The following ANKFN1 variants were observed in gnomAD, a reference collection of about 807,000 sequenced individuals.
ANKFN1 encodes ankyrin repeat and fibronectin type-III domain-containing protein 1.
ANKFN1 carries 74 observed loss-of-function variants against 108.7 expected under a neutral mutation model. The ratio of observed to expected loss-of-function variants is 0.68; its 90% CI spans 0.56 to 0.83. ANKFN1 has a LOEUF of 0.83. Ranked by LOEUF, ANKFN1 falls within the 40% of genes least tolerant of loss-of-function variation. ANKFN1 has a pLI of 0.00. For synonymous variants in ANKFN1, 547 were observed against 516.2 expected (o/e 1.06, Z -0.81); for missense variants, 1,505 against 1,382.3 (o/e 1.09, Z -1.41).
At chr17:56,469,794 T>TA (rs1555661268) in intron 15 of ANKFN1, among the ~76,000 whole-genome samples, 4 of 151,684 alleles carry the variant, frequency 2.6e-5, no homozygotes, top group Admixed American at 6.6e-5. Context: ...TTTTTATTTT[T>TA]ATTTTACTTT....
At position 56,492,221 on chromosome 17, in the gene ANKFN1, T is replaced by C. The variant is rs1302330128; in HGVS notation, c.2295T>C (p.Ser765=). The C allele has an allele frequency of 1.4e-6, 1 of 702,348 alleles. No homozygotes were observed. Among genetic ancestry groups the C allele is most frequent in the Admixed American group, 2.0e-5 (1 of 50,016 alleles). The allele number at this position is 702,348 out of a possible 1,614,324, so 43.5% of individuals were successfully genotyped here. A position where few individuals can be genotyped will look rare whatever the true frequency, so the allele number is the denominator to read the frequency against. ...HFCSYREKFI[S]LYCRLSAVVE... The stretch of plus-strand genomic sequence containing the variant: ...GCAGCTACAGAGAGAAATTTATTAG[T>C]CTGTATTGCCGCCTTTCTGCTGTTG... Residue 765 remains serine, a synonymous_variant, in exon 19 of 21, where the codon AGT becomes AGC. Transcript: ENST00000682825.
At chr17:56,339,368 G>T (rs562148134) in intron 4 of ANKFN1, among the ~76,000 whole-genome samples, 4 of 152,154 alleles carry the variant, frequency 2.6e-5, no homozygotes, top group Admixed American at 6.6e-5. Context: ...AGGTAAACTT[G>T]TGTCATGGGG....
intron 1 of ANKFN1, among the ~76,000 whole-genome samples, chr17:56,187,945 G>T (rs975683931): frequency 6.6e-6 from 1 of 152,004 alleles, no homozygotes; most frequent in Non-Finnish European, 1.5e-5. Flanking sequence ...GGTAGGGGGT[G>T]GGGGAGGGCT....
intron 1 of ANKFN1, among the ~76,000 whole-genome samples, chr17:56,192,098 T>A (rs1423908377): frequency 6.6e-6 from 1 of 152,064 alleles, no homozygotes; most frequent in East Asian, 1.9e-4. Context: ...ATAACGCTGC[T>A]TACCTACAAC....
chr17:56,204,826 A>T (rs373432878), intron 1 of ANKFN1, among the ~76,000 whole-genome samples: 28 of 152,206 alleles, frequency 1.8e-4, no homozygotes, highest in Middle Eastern at 3.4e-3. Context: ...CCGTAATCCC[A>T]GCACTTTGTG....
chr17:56,053,671 A>G (rs962829341), intron 4 of ANKFN1, among the ~76,000 whole-genome samples: 2 of 152,130 alleles, frequency 1.3e-5, no homozygotes, highest in African/African-American at 4.8e-5. Flanking sequence ...TATACCCAGC[A>G]GTGGGATTGT....
intron 11 of ANKFN1, among the ~76,000 whole-genome samples, chr17:56,454,882 T>C (rs372763616): frequency 1.3e-5 from 2 of 152,206 alleles, no homozygotes; most frequent in Non-Finnish European, 2.9e-5. Flanking sequence ...TGTTGTTGTT[T>C]TGGGTGTTCG....
Position 56,084,389 on chromosome 17 carries a change from G to A in ANKFN1, c.288+38064G>A, listed in dbSNP as rs192027127. Among the ~76,000 whole-genome samples the A allele has an allele frequency of 2.2e-3, 337 of 151,406 alleles. 5 individuals carry two copies. The highest frequency in any genetic ancestry group is 7.6e-3 in the African/African-American group (312 of 41,300). On this transcript the variant is annotated intron_variant, in intron 4 of 12. Transcript: ENST00000635860. ...GGCATTTAGATAAAAACCATGAAGGGTATTGTGTGAATAAAGACCTGATTT... is the reference window on the plus strand; with the variant it reads ...GGCATTTAGATAAAAACCATGAAGGATATTGTGTGAATAAAGACCTGATTT...
chr17:56,064,198 T>TCTCACCCAGTTGGGTGGC (rs147481887), intron 4 of ANKFN1, among the ~76,000 whole-genome samples: 10,819 of 152,110 alleles, frequency 0.071, 484 homozygotes, highest in East Asian at 0.16. Context: ...TGTTGGAGGG[T>TCTCACCCAGTTGGGTGGC]CTCACCCAGT....
chr17:56,486,065 T>A (rs2050846753), intron 18 of ANKFN1, among the ~76,000 whole-genome samples: 1 of 152,230 alleles, frequency 6.6e-6, no homozygotes, highest in Non-Finnish European at 1.5e-5. Context: ...CCTGTCCTTT[T>A]TACCTGTTTT....
At chr17:56,204,196 G>A (rs1467154265) in intron 1 of ANKFN1, among the ~76,000 whole-genome samples, 5 of 151,778 alleles carry the variant, frequency 3.3e-5, no homozygotes, top group East Asian at 1.9e-4. Flanking sequence ...ACAGGTGCCC[G>A]CCACCACACC....
intron 6 of ANKFN1, chr17:56,368,297 T>TTTTTTTTTTTTTTTTTTTTTTA (rs1598470005): frequency 2.0e-6 from 1 of 492,624 alleles, no homozygotes; most frequent in Non-Finnish European, 2.9e-6. Flanking sequence ...TTTTTTTTTT[T>TTTTTTTTTTTTTTTTTTTTTTA]GAGAAGGAGT....
At chr17:56,061,782 C>T (rs766812384) in intron 4 of ANKFN1, among the ~76,000 whole-genome samples, 1 of 151,922 alleles carries the variant, frequency 6.6e-6, no homozygotes, top group African/African-American at 2.4e-5. Context: ...TCTTAGCTAG[C>T]TTTTGGATAG....
intron 3 of ANKFN1, among the ~76,000 whole-genome samples, chr17:56,262,184 T>C (rs1258815456): frequency 6.6e-6 from 1 of 152,152 alleles, no homozygotes; most frequent in African/African-American, 2.4e-5. Flanking sequence ...CTAGAGAGGA[T>C]TGAAGGCTCT....
intron 8 of ANKFN1, among the ~76,000 whole-genome samples, chr17:56,405,898 G>A (rs184010460): frequency 9.9e-5 from 15 of 152,134 alleles, no homozygotes; most frequent in Admixed American, 4.6e-4. Flanking sequence ...TAAGAACAAC[G>A]GATATCTATG....
intron 4 of ANKFN1, among the ~76,000 whole-genome samples, chr17:56,067,006 C>T (rs1204026487): frequency 6.6e-6 from 1 of 152,124 alleles, no homozygotes; most frequent in Non-Finnish European, 1.5e-5. Flanking sequence ...TCCTGGCTAA[C>T]ATAGTGAAAC....
chr17:56,263,625 G>A (rs889843862), intron 3 of ANKFN1, among the ~76,000 whole-genome samples: 1 of 152,196 alleles, frequency 6.6e-6, no homozygotes, highest in Non-Finnish European at 1.5e-5. Flanking sequence ...TAGCTCTCCT[G>A]TGGGTCTGAC....
rs192897350 is a variant in ANKFN1, at chr17:56,312,092, C to T, written c.54-14129C>T. Among the ~76,000 whole-genome samples, 87 of 152,296 alleles carry T rather than the reference C, an allele frequency of 5.7e-4. 1 individual carries two copies. Among genetic ancestry groups the T allele is most frequent in the Admixed American group, 3.5e-3 (53 of 15,298 alleles). On this transcript the variant is annotated intron_variant, in intron 3 of 20. Coordinates refer to ENST00000682825, the MANE Select transcript of ANKFN1 (RefSeq NM_001370326.1). The stretch of plus-strand genomic sequence containing the variant: ...ACGTTATCTTCCTTCACCCCCACCA[C>T]CCAGTGTTGGTCTGACTGCAGTGGG...
At chr17:56,297,813 A>G (rs1311321963) in intron 3 of ANKFN1, among the ~76,000 whole-genome samples, 1 of 152,248 alleles carries the variant, frequency 6.6e-6, no homozygotes, top group East Asian at 1.9e-4. Flanking sequence ...ATTTTGGTAA[A>G]GAAATATGAA....
Sources: gnomAD v4.1 joint callset for allele counts (sites outside exome capture counted in the v4.1 genomes callset) on GRCh38, gnomAD v4.1.1 for gene constraint, MANE v1.5 for transcripts, NCBI Gene and HGNC (gene_info 2026-07-23, HGNC 2026-07-21) for gene names.